Variants in KCNQ1OT1 observed in about 807,000 individuals in gnomAD.
KCNQ1OT1 encodes KCNQ1 opposite strand/antisense transcript 1.
chr11:2,642,927 C>G lies in KCNQ1OT1; in HGVS notation n.57068G>C, dbSNP rs1590000346. 1.0e-5 allele frequency: 4 copies of G among 397,918 alleles called. No homozygotes were observed. Among genetic ancestry groups the G allele is most frequent in the Middle Eastern group, 6.3e-4 (1 of 1,580 alleles). 24.6% of individuals were successfully genotyped at this position (397,918 alleles called of 1,614,324 possible). Reference sequence around the variant, plus strand: ...TTAATTTCTTCTTTGACCCATTGGTCATTCAGGAACATGTTAATTTCCATT... The same window carrying G: ...TTAATTTCTTCTTTGACCCATTGGTGATTCAGGAACATGTTAATTTCCATT... On this transcript the variant is annotated non_coding_transcript_exon_variant, in exon 1 of 1. Transcript: ENST00000597346. This position sits in a 1 kb window ranked among gnomAD's most constrained non-coding sequence, Gnocchi z 4.3.
At chr11:2,649,473 A>G (rs1435447390) in exon 1 of KCNQ1OT1, 5 of 398,396 alleles carry the variant, frequency 1.3e-5, no homozygotes, top group Admixed American at 8.8e-5. Context: ...CTGATTTAGT[A>G]GTAATGAATT....
chr11:2,667,728 A>G (rs1850107137), exon 1 of KCNQ1OT1: 3 of 398,746 alleles, frequency 7.5e-6, no homozygotes, highest in Non-Finnish European at 1.3e-5. Flanking sequence ...TGTCCCCTTA[A>G]GTGAGGGAGT....
At chr11:2,625,031 G>A in exon 1 of KCNQ1OT1, 1 of 398,530 alleles carries the variant, frequency 2.5e-6, no homozygotes, top group Non-Finnish European at 4.4e-6. Context: ...TGTAAATAAT[G>A]CCACTACAAT....
chr11:2,634,134 T>TA (rs1381100834), exon 1 of KCNQ1OT1: 1 of 296,176 alleles, frequency 3.4e-6, no homozygotes, highest in Non-Finnish European at 5.5e-6. Context: ...TTGTCTTTGG[T>TA]ATTTTTTTTT....
chr11:2,684,583 A>C (rs1237077781), exon 1 of KCNQ1OT1: 1 of 398,538 alleles, frequency 2.5e-6, no homozygotes, highest in Non-Finnish European at 4.4e-6. Flanking sequence ...CTGGCAGAGG[A>C]GAGTGACTGT....
chr11:2,675,826 T>A (rs1377046226), exon 1 of KCNQ1OT1: 1 of 398,586 alleles, frequency 2.5e-6, no homozygotes, highest in East Asian at 3.6e-5. Flanking sequence ...GGCTGCACAC[T>A]GCCCTACCGT....
In KCNQ1OT1 at chr11:2,698,316, C is replaced by A; in HGVS notation, n.1679G>T. ...GAATTATTCTCTTTCATAACCAGAA[C>A]AGTGCTGTGGGAAGGCACTCTTACT... is the stretch of plus-strand genomic sequence containing the variant. On this transcript the variant is annotated non_coding_transcript_exon_variant, in exon 1 of 1. Transcript: ENST00000597346. This position sits in a 1 kb window ranked among gnomAD's most constrained non-coding sequence, Gnocchi z 5.1. 2.5e-6 allele frequency: 1 copy of A among 398,630 alleles called. No individual in the cohort carries two copies. Among genetic ancestry groups the A allele is most frequent in the Non-Finnish European group, 4.4e-6 (1 of 226,062 alleles). The allele number at this position is 398,630 out of a possible 1,614,324, so 24.7% of individuals were successfully genotyped here. A position where few individuals can be genotyped will look rare whatever the true frequency, so the allele number is the denominator to read the frequency against.
At chr11:2,615,714 G>T in exon 1 of KCNQ1OT1, 1 of 397,934 alleles carries the variant, frequency 2.5e-6, no homozygotes, top group African/African-American at 2.1e-5. Flanking sequence ...AACCACCCTT[G>T]TATTCTTGAG....
At position 2,653,068 on chromosome 11, in the gene KCNQ1OT1, A is replaced by G. The variant is rs1849782211; in HGVS notation, n.46927T>C. The stretch of plus-strand genomic sequence containing the variant: ...CAACATGTTCCATAATTTGCATCAA[A>G]CATCCTCATACAGCAGGGTGTGGAG... On this transcript the variant is annotated non_coding_transcript_exon_variant, in exon 1 of 1. Coordinates refer to ENST00000597346, the Ensembl canonical transcript of KCNQ1OT1. The surrounding 1 kb of genome is among the most constrained non-coding windows in gnomAD (Gnocchi z 5.3). 1 of 398,714 alleles carries G rather than the reference A, an allele frequency of 2.5e-6. No homozygotes were observed. The highest frequency in any genetic ancestry group is 4.4e-6 in the Non-Finnish European group (1 of 226,104). 24.7% of individuals were successfully genotyped at this position (398,714 alleles called of 1,614,324 possible).
In KCNQ1OT1 at chr11:2,695,273, A is replaced by G. The variant is rs569983814; in HGVS notation, n.4722T>C. The G allele has an allele frequency of 6.5e-5, 26 of 398,486 alleles. No individual in the cohort carries two copies. In the South Asian group the frequency reaches 2.9e-3, roughly 45 times the overall value. 24.7% of individuals were successfully genotyped at this position (398,486 alleles called of 1,614,324 possible). ...CTTTTCCACTTCATCTCTAGCCTCTATCCTTGCTCTCCTCCCTACACAAAC... is the reference window on the plus strand; with the variant it reads ...CTTTTCCACTTCATCTCTAGCCTCTGTCCTTGCTCTCCTCCCTACACAAAC... On this transcript the variant is annotated non_coding_transcript_exon_variant, in exon 1 of 1. Transcript: ENST00000597346. The surrounding 1 kb of genome is among the most constrained non-coding windows in gnomAD (Gnocchi z 5.2).
chr11:2,632,212 A>C, exon 1 of KCNQ1OT1: 1 of 397,872 alleles, frequency 2.5e-6, no homozygotes, highest in Admixed American at 4.4e-5. Flanking sequence ...AAGAAATGCA[A>C]CTGAATTTTG....
exon 1 of KCNQ1OT1, chr11:2,681,820 A>G (rs938073492): frequency 5.0e-5 from 20 of 398,406 alleles, no homozygotes; most frequent in African/African-American, 4.1e-4. Flanking sequence ...GGTTATGGTC[A>G]TATCATCCAT....
Position 2,617,776 on chromosome 11 carries a change from G to T in KCNQ1OT1, n.82219C>A. The T allele has an allele frequency of 1.0e-5, 4 of 398,522 alleles. No individual in the cohort carries two copies. The highest frequency in any genetic ancestry group is 1.8e-5 in the Non-Finnish European group (4 of 226,030). 24.7% of individuals were successfully genotyped at this position (398,522 alleles called of 1,614,324 possible). A position where few individuals can be genotyped will look rare whatever the true frequency, so the allele number is the denominator to read the frequency against. ...TAGTAATTTTGATTTGCATTTCCCT[G>T]ACGATTAGTGATGTTAAATGTCTTT... On this transcript the variant is annotated non_coding_transcript_exon_variant, in exon 1 of 1. Transcript: ENST00000597346. The surrounding 1 kb of genome is among the most constrained non-coding windows in gnomAD (Gnocchi z 4.6).
Position 2,653,981 on chromosome 11 carries a change from T to G in KCNQ1OT1, n.46014A>C. 1 of 398,710 alleles carries G rather than the reference T, an allele frequency of 2.5e-6. No homozygotes were observed. The highest frequency in any genetic ancestry group is 4.4e-6 in the Non-Finnish European group (1 of 226,094). 24.7% of individuals were successfully genotyped at this position (398,710 alleles called of 1,614,324 possible). On this transcript the variant is annotated non_coding_transcript_exon_variant, in exon 1 of 1. Transcript: ENST00000597346. The surrounding 1 kb of genome is among the most constrained non-coding windows in gnomAD (Gnocchi z 5.3). ...TGTCCACTCAAGCAAGGTATTTTCCTAAGCGGAACTGGGTGCCAGCTGTGA... is the reference window on the plus strand; with the variant it reads ...TGTCCACTCAAGCAAGGTATTTTCCGAAGCGGAACTGGGTGCCAGCTGTGA...
chr11:2,648,981 C>CTTTTTTTTTTTTTTTTTTTTTTTTTTT, exon 1 of KCNQ1OT1: 13 of 213,290 alleles, frequency 6.1e-5, no homozygotes, highest in Admixed American at 2.9e-4. Context: ...TTTTCTTTTT[C>CTTTTTTTTTTTTTTTTTTTTTTTTTTT]TTTTTTTTTT....
At chr11:2,666,790 C>T in exon 1 of KCNQ1OT1, 1 of 398,618 alleles carries the variant, frequency 2.5e-6, no homozygotes, top group East Asian at 3.6e-5. Context: ...ATATTTCTCT[C>T]CCTGTAAACT....
At chr11:2,697,853 A>G (rs1254214550) in exon 1 of KCNQ1OT1, 1 of 398,676 alleles carries the variant, frequency 2.5e-6, no homozygotes. Context: ...GAATTTGGAC[A>G]TGCTCTGATT....
chr11:2,697,595 A>C (rs1850699786), exon 1 of KCNQ1OT1: 1 of 398,492 alleles, frequency 2.5e-6, no homozygotes, highest in African/African-American at 2.1e-5. Flanking sequence ...GTTAAACTTT[A>C]TCACATCATT....
exon 1 of KCNQ1OT1, chr11:2,622,089 A>G: frequency 2.5e-6 from 1 of 398,262 alleles, no homozygotes; most frequent in Non-Finnish European, 4.4e-6. Context: ...ATTTGTCTGA[A>G]GATATTTTTA....
Sources: gnomAD v4.1 joint callset for allele counts on GRCh38, gnomAD v4.1.1 for gene constraint, Gnocchi (gnomAD v3.1) non-coding constraint, MANE v1.5 for transcripts, NCBI Gene and HGNC (gene_info 2026-07-23, HGNC 2026-07-21) for gene names.